The following PLA2G4A variants were observed in gnomAD, a reference collection of about 807,000 sequenced individuals.
PLA2G4A encodes the protein phospholipase A2 group IVA, also known as cytosolic phospholipase A2.
In PLA2G4A, 40 loss-of-function variants were observed where a neutral mutation model predicts 81.9. The observed-to-expected ratio is 0.49, with a 90% CI of 0.38 to 0.64. The LOEUF (loss-of-function observed/expected upper bound fraction) is 0.64, where lower values mean the gene tolerates loss of function less well. Ranked by LOEUF, PLA2G4A falls within the 30% of genes least tolerant of loss-of-function variation. The pLI, the probability that PLA2G4A is intolerant of heterozygous loss-of-function variation, is 0.00. For missense variants in PLA2G4A, 715 were observed against 905.1 expected (o/e 0.79, Z 2.69); for synonymous variants, 302 against 296.9 (o/e 1.02, Z -0.18).
intron 12 of PLA2G4A, among the ~76,000 whole-genome samples, chr1:186,948,150 G>A (rs1263669799): frequency 2.0e-5 from 3 of 152,052 alleles, no homozygotes; most frequent in Admixed American, 2.0e-4. Flanking sequence ...ATTTTCAAGA[G>A]TGTCATTTGT....
chr1:186,900,585 G>A (rs1214315544), intron 5 of PLA2G4A, among the ~76,000 whole-genome samples: 1 of 152,158 alleles, frequency 6.6e-6, no homozygotes, highest in Non-Finnish European at 1.5e-5. Flanking sequence ...AGTCACTCAT[G>A]ACTGAATATG....
intron 3 of PLA2G4A, among the ~76,000 whole-genome samples, chr1:186,877,436 T>C (rs1170171706): frequency 6.6e-6 from 1 of 152,080 alleles, no homozygotes; most frequent in Non-Finnish European, 1.5e-5. Flanking sequence ...TTGGGTAGTC[T>C]GTGCATTTGA....
chr1:186,930,821 G>C (rs1264094731), intron 7 of PLA2G4A, among the ~76,000 whole-genome samples: 1 of 152,030 alleles, frequency 6.6e-6, no homozygotes, highest in Admixed American at 6.6e-5. Context: ...ACAATACTAA[G>C]ACCCCAAGTA....
chr1:186,924,384 A>C (rs1655470797), intron 7 of PLA2G4A, among the ~76,000 whole-genome samples: 2 of 152,180 alleles, frequency 1.3e-5, no homozygotes, highest in Admixed American at 1.3e-4. Flanking sequence ...TATCTTACCT[A>C]ACCTTGCAGA....
chr1:186,883,983 T>G (rs1159806709), intron 3 of PLA2G4A, among the ~76,000 whole-genome samples: 2 of 152,100 alleles, frequency 1.3e-5, no homozygotes, highest in African/African-American at 2.4e-5. Flanking sequence ...TTTTGTTCAT[T>G]TTTTTAAGGA....
intron 5 of PLA2G4A, among the ~76,000 whole-genome samples, chr1:186,903,596 C>G (rs1261403122): frequency 6.6e-6 from 1 of 152,132 alleles, no homozygotes; most frequent in Non-Finnish European, 1.5e-5. Flanking sequence ...GCATTACATT[C>G]TCACAGGAGC....
intron 17 of PLA2G4A, among the ~76,000 whole-genome samples, chr1:186,985,117 A>T (rs1487347251): frequency 6.6e-6 from 1 of 152,180 alleles, no homozygotes; most frequent in African/African-American, 2.4e-5. Context: ...GAATTCCCAG[A>T]TGTCTCTGAC....
At chr1:186,977,348 T>C (rs367661471) in intron 15 of PLA2G4A, among the ~76,000 whole-genome samples, 9 of 152,348 alleles carry the variant, frequency 5.9e-5, no homozygotes, top group East Asian at 3.9e-4. Context: ...GTTCAGTTTA[T>C]CAATAATTTT....
At chr1:186,833,624 A>G (rs528219855) in intron 1 of PLA2G4A, among the ~76,000 whole-genome samples, 2 of 152,152 alleles carry the variant, frequency 1.3e-5, no homozygotes, top group Non-Finnish European at 2.9e-5. Flanking sequence ...CCTGTTAATA[A>G]AGGATGCATT....
At chr1:186,958,187 G>C (rs1656823267) in intron 14 of PLA2G4A, among the ~76,000 whole-genome samples, 1 of 152,066 alleles carries the variant, frequency 6.6e-6, no homozygotes, top group Non-Finnish European at 1.5e-5. Flanking sequence ...CAAACTCTAG[G>C]ATATGAGGTA....
intron 14 of PLA2G4A, among the ~76,000 whole-genome samples, chr1:186,961,674 G>C (rs1416393617): frequency 6.6e-6 from 1 of 152,044 alleles, no homozygotes; most frequent in African/African-American, 2.4e-5. Context: ...CTGATGATAA[G>C]GGGCAAACCA....
At chr1:186,848,714 A>G (rs1439658593) in intron 1 of PLA2G4A, among the ~76,000 whole-genome samples, 3 of 150,740 alleles carry the variant, frequency 2.0e-5, no homozygotes, top group Non-Finnish European at 2.9e-5. Flanking sequence ...TTCTTAACCT[A>G]GTGATTTTAC....
At chr1:186,939,954 C>G (rs1199212415) in intron 9 of PLA2G4A, 26 bp from the exon 10 acceptor site, 3 of 1,029,744 alleles carry the variant, frequency 2.9e-6, no homozygotes, top group Non-Finnish European at 4.6e-6. Flanking sequence ...AATTTAAAGT[C>G]ATCTTTTTCT....
intron 3 of PLA2G4A, among the ~76,000 whole-genome samples, chr1:186,878,396 C>T (rs1024158408): frequency 6.8e-6 from 1 of 147,770 alleles, no homozygotes; most frequent in Non-Finnish European, 1.5e-5. Flanking sequence ...TTAAATCAGT[C>T]TTCAGGTTAT....
chr1:186,986,182 A>G (rs1452365142), intron 17 of PLA2G4A, among the ~76,000 whole-genome samples: 1 of 152,198 alleles, frequency 6.6e-6, no homozygotes, highest in Non-Finnish European at 1.5e-5. Context: ...TAGGAACACC[A>G]GCTGAGGTCC....
Position 186,944,387 on chromosome 1 carries a change from A to G in PLA2G4A, c.1034-2250A>G, listed in dbSNP as rs541547297. Among the ~76,000 whole-genome samples, 17 of 152,252 alleles carry G rather than the reference A, an allele frequency of 1.1e-4. No homozygotes were observed. In the East Asian group the frequency reaches 2.7e-3, roughly 24 times the overall value. ...TGTGCCCAGGCCATGGCGCTAATCA[A>G]GAAGAGATCGCTAGAAAAGCAGGAA... On this transcript the variant is annotated intron_variant, in intron 10 of 17. Transcript: ENST00000367466.
At chr1:186,975,668 G>A (rs1657506245) in intron 15 of PLA2G4A, among the ~76,000 whole-genome samples, 1 of 152,212 alleles carries the variant, frequency 6.6e-6, no homozygotes, top group African/African-American at 2.4e-5. Flanking sequence ...CTATGTCAGG[G>A]ATAGTGAATA....
intron 7 of PLA2G4A, among the ~76,000 whole-genome samples, chr1:186,920,899 T>C (rs1358746566): frequency 6.6e-6 from 1 of 152,220 alleles, no homozygotes; most frequent in Non-Finnish European, 1.5e-5. Flanking sequence ...AAACCCAGCC[T>C]GTTTCTGCAA....
chr1:186,863,598 A>G (rs751525285), intron 2 of PLA2G4A, among the ~76,000 whole-genome samples: 14 of 151,706 alleles, frequency 9.2e-5, no homozygotes, highest in Non-Finnish European at 1.5e-4. Context: ...TCTCCTACCT[A>G]ACTTTTTACC....
Sources: allele counts gnomAD v4.1 joint callset (sites outside exome capture counted in the v4.1 genomes callset), GRCh38; gene constraint gnomAD v4.1.1; transcripts MANE v1.5; gene names NCBI Gene and HGNC (gene_info 2026-07-23, HGNC 2026-07-21).